Variants in SV2C observed in about 807,000 individuals in gnomAD.
SV2C encodes synaptic vesicle glycoprotein 2C.
In SV2C, 49 loss-of-function variants were observed where a neutral mutation model predicts 79.7. That is an observed-to-expected ratio of 0.61 (90% confidence interval 0.49 to 0.78). The LOEUF is 0.78. SV2C is among the 30% of genes least tolerant of loss of function. The pLI is 0.00. For synonymous variants in SV2C, 334 were observed against 333.2 expected (o/e 1.00, Z -0.03); for missense variants, 833 against 912.9 (o/e 0.91, Z 1.13).
At chr5:75,901,374 T>C in the SV2C span, among the ~76,000 whole-genome samples, 1 of 152,200 alleles carries the variant, frequency 6.6e-6, no homozygotes, top group Non-Finnish European at 1.5e-5. Flanking sequence ...TGCCTGGGTA[T>C]CAGCAGTGGT....
chr5:76,224,366 ATGTG>A (rs1298831619), intron 4 of SV2C, among the ~76,000 whole-genome samples: 1 of 152,180 alleles, frequency 6.6e-6, no homozygotes, highest in Non-Finnish European at 1.5e-5. Flanking sequence ...ATGTGTGTGT[ATGTG>A]TGTATTTCTT....
intron 1 of SV2C, among the ~76,000 whole-genome samples, chr5:76,087,291 C>G (rs1051543584): frequency 1.3e-5 from 2 of 152,128 alleles, no homozygotes; most frequent in African/African-American, 2.4e-5. Flanking sequence ...TTCTGTTGAT[C>G]ACCTAATGTG....
At chr5:76,242,169 T>G in intron 4 of SV2C, 1 of 1,122,986 alleles carries the variant, frequency 8.9e-7, no homozygotes, top group Non-Finnish European at 1.4e-6. Flanking sequence ...TGCAGGGGCC[T>G]TTTAGGCGTG....
At chr5:75,948,792 T>C in the SV2C span, among the ~76,000 whole-genome samples, 2 of 151,706 alleles carry the variant, frequency 1.3e-5, no homozygotes, top group African/African-American at 2.4e-5. Context: ...AATCTTGGGG[T>C]GGGCTGTGGG....
At chr5:75,944,995 A>G in the SV2C span, among the ~76,000 whole-genome samples, 1 of 152,112 alleles carries the variant, frequency 6.6e-6, no homozygotes, top group Non-Finnish European at 1.5e-5. Flanking sequence ...GTGAAAAAAA[A>G]CCCACACAAA....
At chr5:76,066,932 G>T in the SV2C span, among the ~76,000 whole-genome samples, 254 of 152,282 alleles carry the variant, frequency 1.7e-3, 3 homozygotes, top group Middle Eastern at 0.031. Flanking sequence ...GGCCAGTAGG[G>T]AGTTTAAAAG....
At chr5:76,170,386 A>G (rs1282888753) in intron 2 of SV2C, among the ~76,000 whole-genome samples, 8 of 117,444 alleles carry the variant, frequency 6.8e-5, no homozygotes, top group African/African-American at 2.3e-4. Flanking sequence ...ACACATGTGA[A>G]ACAATCACTA....
chr5:76,013,708 A>T, the SV2C span, among the ~76,000 whole-genome samples: 3 of 152,286 alleles, frequency 2.0e-5, no homozygotes, highest in African/African-American at 7.2e-5. Context: ...TGTATATTCA[A>T]GTATGTAAAT....
At chr5:75,909,003 A>G in the SV2C span, among the ~76,000 whole-genome samples, 4 of 152,172 alleles carry the variant, frequency 2.6e-5, no homozygotes, top group African/African-American at 9.7e-5. Context: ...ATATTAACCC[A>G]TTTAATTTTC....
At position 76,301,438 on chromosome 5, in the gene SV2C, C is replaced by T. The variant is rs1561306475; in HGVS notation, c.1893C>T (p.Thr631=). Residue 631 remains threonine (T), a synonymous_variant, in exon 12 of 13, where the codon ACC becomes ACT. Transcript: ENST00000502798. ...GISCFFLWFG[T]SESMMIGMLC... ...GCTGTTTCTTCCTTTGGTTCGGCACCAGTGAATCCATGATGATAGGCATGC... is the reference window on the plus strand; with the variant it reads ...GCTGTTTCTTCCTTTGGTTCGGCACTAGTGAATCCATGATGATAGGCATGC... The T allele has an allele frequency of 6.2e-7, 1 of 1,614,064 alleles. No homozygotes were observed. The highest frequency in any genetic ancestry group is 2.2e-5 in the East Asian group (1 of 44,870).
rs544831358 is a variant in SV2C, at chr5:76,148,884, G to T, written c.580+16554G>T. Among the ~76,000 whole-genome samples the T allele has an allele frequency of 4.1e-3, 632 of 152,294 alleles. 7 individuals carry two copies. The highest frequency in any genetic ancestry group is 0.026 in the South Asian group (126 of 4,826). The stretch of plus-strand genomic sequence containing the variant: ...GGTCACATCTAGTCTTGGCTAGTTA[G>T]TACATAGATTGTTTTAAACGTCTTT... On this transcript the variant is annotated intron_variant, in intron 2 of 12. Transcript: ENST00000502798.
the SV2C span, among the ~76,000 whole-genome samples, chr5:76,041,635 T>C: frequency 6.6e-6 from 1 of 152,168 alleles, no homozygotes; most frequent in Non-Finnish European, 1.5e-5. Context: ...CCTCATCTTA[T>C]GAACTTTGTG....
intron 1 of SV2C, among the ~76,000 whole-genome samples, chr5:76,129,901 G>A (rs905515176): frequency 2.0e-5 from 3 of 152,078 alleles, no homozygotes; most frequent in East Asian, 1.9e-4. Flanking sequence ...GTGGTCATCC[G>A]TTCAATGGAT....
chr5:76,312,252 C>G (rs1748468263), intron 12 of SV2C, among the ~76,000 whole-genome samples: 1 of 139,298 alleles, frequency 7.2e-6, no homozygotes, highest in African/African-American at 2.7e-5. Context: ...TCAGGGGCCA[C>G]TTTTTTTTTT....
chr5:76,036,275 G>C, the SV2C span, among the ~76,000 whole-genome samples: 1 of 151,872 alleles, frequency 6.6e-6, no homozygotes, highest in African/African-American at 2.4e-5. Context: ...GTGTGAATTT[G>C]ATCCTGTCAT....
chr5:76,337,534 T>C (rs944721406), downstream of SV2C, among the ~76,000 whole-genome samples: 1 of 152,202 alleles, frequency 6.6e-6, no homozygotes, highest in African/African-American at 2.4e-5. Context: ...GTATGTATAC[T>C]GTATACTGTG....
the SV2C span, among the ~76,000 whole-genome samples, chr5:75,906,280 A>T: frequency 1.3e-5 from 2 of 152,112 alleles, no homozygotes; most frequent in African/African-American, 4.8e-5. Flanking sequence ...AAGCCACTCG[A>T]TTGGTGATAA....
At chr5:76,151,663 C>T (rs1468580038) in intron 2 of SV2C, among the ~76,000 whole-genome samples, 2 of 152,138 alleles carry the variant, frequency 1.3e-5, no homozygotes, top group East Asian at 3.9e-4. Flanking sequence ...AGGCGTTATG[C>T]CTTAATACGA....
chr5:76,213,058 A>G (rs942211293), intron 4 of SV2C, among the ~76,000 whole-genome samples: 1 of 152,246 alleles, frequency 6.6e-6, no homozygotes. Context: ...GGAGGCTGAC[A>G]TCAACTTTTA....
Sources: allele counts gnomAD v4.1 joint callset (sites outside exome capture counted in the v4.1 genomes callset), GRCh38; gene constraint gnomAD v4.1.1; transcripts MANE v1.5; gene names NCBI Gene and HGNC (gene_info 2026-07-23, HGNC 2026-07-21).